Variants in KLF12 observed in about 807,000 individuals in gnomAD.
The protein encoded by KLF12 is KLF transcription factor 12, also known as Krueppel-like factor 12.
A neutral mutation model predicts 37.8 loss-of-function variants in KLF12; 9 were observed. The ratio of observed to expected loss-of-function variants is 0.24; its 90% CI spans 0.14 to 0.42. The LOEUF (loss-of-function observed/expected upper bound fraction) is 0.42, where lower values mean the gene tolerates loss of function less well. Among genes scored for constraint, KLF12 ranks in the 10% least tolerant of loss-of-function variants. The probability of loss-of-function intolerance (pLI) is 1.00; values close to 1 mark genes in which losing one functional copy is unlikely to be tolerated. For synonymous variants in KLF12, 208 were observed against 202.1 expected, an observed-to-expected ratio of 1.03 and a Z score of -0.25; for missense variants, 411 against 516.0, an observed-to-expected ratio of 0.80 and a Z score of 1.97.
chr13:73,794,967 C>G (rs928732655), intron 5 of KLF12, among the ~76,000 whole-genome samples: 1 of 152,118 alleles, frequency 6.6e-6, no homozygotes, highest in African/African-American at 2.4e-5. Flanking sequence ...AGTACAGACG[C>G]GTCTTTGTGC....
intron 1 of KLF12, among the ~76,000 whole-genome samples, chr13:74,071,786 C>A (rs1192886675): frequency 6.6e-6 from 1 of 152,178 alleles, no homozygotes; most frequent in Non-Finnish European, 1.5e-5. Flanking sequence ...GAGTGAACTA[C>A]GTTAAAGAGG....
At chr13:73,838,521 G>T (rs1348387721) in intron 4 of KLF12, among the ~76,000 whole-genome samples, 2 of 152,294 alleles carry the variant, frequency 1.3e-5, no homozygotes, top group East Asian at 3.9e-4. Flanking sequence ...TTTGGGAAAA[G>T]TACTTCATAC....
Position 73,731,221 on chromosome 13 carries a change from G to A in KLF12, c.870-15696C>T, listed in dbSNP as rs146968759. Among the ~76,000 whole-genome samples the A allele has an allele frequency of 2.4e-3, 365 of 152,264 alleles. 1 individual carries two copies. Among genetic ancestry groups the A allele is most frequent in the African/African-American group, 7.9e-3 (329 of 41,556 alleles). On this transcript the variant is annotated intron_variant, in intron 6 of 7. Coordinates refer to ENST00000377669, the MANE Select transcript of KLF12 (RefSeq NM_007249.5). ...ATGGTGTCCCCAGCAGCTGAGCATG[G>A]ATGGCCAGGATAACATCATTAGCCA...
intron 1 of KLF12, among the ~76,000 whole-genome samples, chr13:74,103,173 A>G (rs554460435): frequency 6.6e-6 from 1 of 152,382 alleles, no homozygotes; most frequent in South Asian, 2.1e-4. Context: ...ATACATTTAA[A>G]ATTATTTATA....
the KLF12 span, among the ~76,000 whole-genome samples, chr13:74,295,438 G>T: frequency 6.6e-6 from 1 of 152,108 alleles, no homozygotes; most frequent in South Asian, 2.1e-4. Flanking sequence ...TCTTCCCTAA[G>T]GAGCCTGAGC....
the KLF12 span, among the ~76,000 whole-genome samples, chr13:74,305,111 T>A: frequency 1.9e-3 from 291 of 152,150 alleles, no homozygotes; most frequent in Non-Finnish European, 3.3e-3. Context: ...GAGGGTATTT[T>A]CCCCCATAAA....
At chr13:73,989,973 G>A (rs1385510479) in intron 2 of KLF12, among the ~76,000 whole-genome samples, 26 of 80,396 alleles carry the variant, frequency 3.2e-4, no homozygotes, top group Admixed American at 3.0e-3. Flanking sequence ...GGAAGTACAA[G>A]GGTTCACGTA....
At chr13:73,937,713 A>T (rs919937808) in intron 3 of KLF12, among the ~76,000 whole-genome samples, 11 of 152,222 alleles carry the variant, frequency 7.2e-5, no homozygotes, top group African/African-American at 2.7e-4. Flanking sequence ...CCTGAGGGAA[A>T]GGATTTGTCT....
chr13:74,234,450 C>T, the KLF12 span, among the ~76,000 whole-genome samples: 7,440 of 152,212 alleles, frequency 0.049, 456 homozygotes, highest in African/African-American at 0.14. Context: ...AGAAGGACTA[C>T]CTTACTTACA....
intron 2 of KLF12, among the ~76,000 whole-genome samples, chr13:73,989,474 T>A (rs1891908460): frequency 6.6e-6 from 1 of 152,210 alleles, no homozygotes; most frequent in East Asian, 1.9e-4. Context: ...CTGCCTTTTG[T>A]GGAGCCTAGC....
chr13:73,971,689 G>A (rs150004248), intron 2 of KLF12, among the ~76,000 whole-genome samples: 5 of 152,206 alleles, frequency 3.3e-5, no homozygotes, highest in Admixed American at 1.3e-4. Flanking sequence ...AACTACTGAC[G>A]TCAATGAAAA....
At chr13:73,869,103 A>G (rs1263477950) in intron 3 of KLF12, among the ~76,000 whole-genome samples, 1 of 152,194 alleles carries the variant, frequency 6.6e-6, no homozygotes, top group African/African-American at 2.4e-5. Context: ...TATAATTTGT[A>G]CATCTCTCCA....
Position 73,780,830 on chromosome 13 carries a change from T to C in KLF12, c.807-15830A>G, listed in dbSNP as rs1296184541. Among the ~76,000 whole-genome samples the C allele has an allele frequency of 4.6e-5, 7 of 152,240 alleles. No individual in the cohort carries two copies. In the East Asian group the frequency reaches 7.7e-4, roughly 17 times the overall value. Reference sequence around the variant, plus strand: ...GAATGTACTCCTGGTGAAGCTGCTGTTTACATTGCTGAAATGACAACAAAG... The same window carrying C: ...GAATGTACTCCTGGTGAAGCTGCTGCTTACATTGCTGAAATGACAACAAAG... On this transcript the variant is annotated intron_variant, in intron 5 of 7. Transcript: ENST00000377669.
At chr13:73,967,740 A>G (rs1397750606) in intron 2 of KLF12, among the ~76,000 whole-genome samples, 1 of 152,182 alleles carries the variant, frequency 6.6e-6, no homozygotes, top group Non-Finnish European at 1.5e-5. Context: ...TGCAAATTTA[A>G]AAGAGAAAAT....
chr13:73,723,202 C>A (rs1259496129), intron 6 of KLF12, among the ~76,000 whole-genome samples: 1 of 152,046 alleles, frequency 6.6e-6, no homozygotes, highest in African/African-American at 2.4e-5. Flanking sequence ...GGATTGTTGG[C>A]TAACAAAAAA....
At chr13:73,872,080 G>A (rs1329840631) in intron 3 of KLF12, among the ~76,000 whole-genome samples, 1 of 152,276 alleles carries the variant, frequency 6.6e-6, no homozygotes, top group East Asian at 1.9e-4. Context: ...ATTTCCTGGA[G>A]GATGGAAGAC....
chr13:74,217,012 G>A, the KLF12 span, among the ~76,000 whole-genome samples: 1 of 152,060 alleles, frequency 6.6e-6, no homozygotes, highest in African/African-American at 2.4e-5. Context: ...AAAACATCTA[G>A]CAATTTCTTT....
At chr13:74,294,143 G>A in the KLF12 span, among the ~76,000 whole-genome samples, 1 of 152,148 alleles carries the variant, frequency 6.6e-6, no homozygotes, top group Non-Finnish European at 1.5e-5. Context: ...CCATGTGCTG[G>A]TCTGTGAACC....
the KLF12 span, among the ~76,000 whole-genome samples, chr13:74,189,880 A>T: frequency 6.6e-6 from 1 of 152,166 alleles, no homozygotes; most frequent in African/African-American, 2.4e-5. Flanking sequence ...ATGACTTTAA[A>T]CATTAAAAAA....
Sources: gnomAD v4.1 joint callset for allele counts (sites outside exome capture counted in the v4.1 genomes callset) on GRCh38, gnomAD v4.1.1 for gene constraint, MANE v1.5 for transcripts, NCBI Gene and HGNC (gene_info 2026-07-23, HGNC 2026-07-21) for gene names.